TRIB2: variants seen among roughly 807,000 people sequenced by gnomAD.
The protein encoded by TRIB2 is tribbles pseudokinase 2.
A neutral mutation model predicts 26.8 loss-of-function variants in TRIB2; 2 were observed. That is an observed-to-expected ratio of 0.07 (90% CI 0.03 to 0.24). TRIB2 has a LOEUF of 0.24. TRIB2 is among the 10% of genes least tolerant of loss of function. The probability of loss-of-function intolerance (pLI) is 1.00; values close to 1 mark genes in which losing one functional copy is unlikely to be tolerated. For missense variants in TRIB2, 306 were observed against 449.0 expected (o/e 0.68, Z 2.88); for synonymous variants, 189 against 187.3 (o/e 1.01, Z -0.08).
Position 12,742,639 on chromosome 2 carries a change from TGG to T in TRIB2, c.*1848_*1849del, listed in dbSNP as rs1460771194. 1 of 152,378 alleles carries T rather than the reference TGG, an allele frequency of 6.6e-6. No individual in the cohort carries two copies. Among genetic ancestry groups the T allele is most frequent in the Non-Finnish European group, 1.5e-5 (1 of 68,000 alleles). 9.4% of individuals were successfully genotyped at this position (152,378 alleles called of 1,614,324 possible). ...GAGGAGAGGTTGGTGACATGCATGG[TGG>T]GGATCTATGGCCTCTGGTGCTTTGT... On this transcript the variant is annotated 3_prime_UTR_variant, in exon 3 of 3. Coordinates refer to ENST00000155926, the MANE Select transcript of TRIB2 (RefSeq NM_021643.4).
At chr2:12,728,743 C>T (rs528054866) in intron 2 of TRIB2, among the ~76,000 whole-genome samples, 2 of 152,280 alleles carry the variant, frequency 1.3e-5, no homozygotes, top group Admixed American at 1.3e-4. Flanking sequence ...TGGGGGCTTT[C>T]GGTATAATAA....
Position 12,723,391 on chromosome 2 carries a change from T to C in TRIB2, c.402T>C (p.Tyr134=). The C allele has an allele frequency of 1.9e-6, 3 of 1,614,224 alleles. No homozygotes were observed. Among genetic ancestry groups the C allele is most frequent in the Non-Finnish European group, 2.5e-6 (3 of 1,180,032 alleles). The stretch of plus-strand genomic sequence containing the variant: ...CCTATGTGTTCTTTGAGCGAAGCTA[T>C]GGGGACATGCATTCCTTCGTCCGCA... The part of the protein sequence containing the change: ...TKAYVFFERS[Y]GDMHSFVRTC... Residue 134 remains tyrosine, a synonymous_variant, in exon 2 of 3, where the codon TAT becomes TAC. Transcript: ENST00000155926.
chr2:12,739,345 C>T (rs570346148), intron 2 of TRIB2, among the ~76,000 whole-genome samples: 124 of 152,246 alleles, frequency 8.1e-4, no homozygotes, highest in African/African-American at 2.6e-3. Context: ...CTGTAACCTC[C>T]GCCTCCCGGG....
At chr2:12,729,025 G>C (rs1359245854) in intron 2 of TRIB2, among the ~76,000 whole-genome samples, 1 of 152,114 alleles carries the variant, frequency 6.6e-6, no homozygotes, top group Non-Finnish European at 1.5e-5. Context: ...TTTGTATTTT[G>C]GGAAAATACC....
chr2:12,727,438 G>T (rs1364036869), intron 2 of TRIB2, among the ~76,000 whole-genome samples: 1 of 152,190 alleles, frequency 6.6e-6, no homozygotes, highest in East Asian at 1.9e-4. Flanking sequence ...TCAGATTTAG[G>T]CCACATTCTC....
intron 2 of TRIB2, among the ~76,000 whole-genome samples, chr2:12,733,663 A>G (rs1661504312): frequency 6.6e-6 from 1 of 152,218 alleles, no homozygotes; most frequent in Non-Finnish European, 1.5e-5. Flanking sequence ...TATAATTATT[A>G]TTAGGATATC....
rs1228695157 is a variant in TRIB2 at position 12,732,468 on chromosome 2, C to G, written c.564-7858C>G. ...TATTCTCTCCCTATAGACATCTCTC[C>G]CTCCACCACGATGCCCTGAGATGCT... On this transcript the variant is annotated intron_variant, in intron 2 of 2. Transcript: ENST00000155926. The surrounding 1 kb of genome is among the most constrained non-coding windows in gnomAD (Gnocchi z 4.2). Among the ~76,000 whole-genome samples the G allele has an allele frequency of 6.6e-6, 1 of 152,150 alleles. No individual in the cohort carries two copies. The highest frequency in any genetic ancestry group is 1.5e-5 in the Non-Finnish European group (1 of 68,034).
At position 12,732,303 on chromosome 2, in the gene TRIB2, G is replaced by C. The variant is rs1661474349; in HGVS notation, c.564-8023G>C. Among the ~76,000 whole-genome samples, 1 of 152,178 alleles carries C rather than the reference G, an allele frequency of 6.6e-6. No homozygotes were observed. Among genetic ancestry groups the C allele is most frequent in the East Asian group, 1.9e-4 (1 of 5,186 alleles). ...AGAAAACCCCTGAGTATTTGAGTCA[G>C]ATTGGGTTTCCCATCCCAACTGTGC... On this transcript the variant is annotated intron_variant, in intron 2 of 2. Coordinates refer to ENST00000155926, the MANE Select transcript of TRIB2 (RefSeq NM_021643.4). The surrounding 1 kb of genome is among the most constrained non-coding windows in gnomAD (Gnocchi z 4.2).
At chr2:12,736,758 C>T (rs1362846872) in intron 2 of TRIB2, among the ~76,000 whole-genome samples, 1 of 152,226 alleles carries the variant, frequency 6.6e-6, no homozygotes, top group East Asian at 1.9e-4. Flanking sequence ...ACCACATGCC[C>T]ATGGGCTCTT....
Position 12,741,724 on chromosome 2 carries a change from C to G in TRIB2, c.*930C>G, listed in dbSNP as rs924202975. On this transcript the variant is annotated 3_prime_UTR_variant, in exon 3 of 3. Coordinates refer to ENST00000155926, the MANE Select transcript of TRIB2 (RefSeq NM_021643.4). ...TCTGATGCTTTTGCAGTACTCTGAT[C>G]GCAACTAAACATTTGTCTTTGTTTT... 6.6e-6 allele frequency: 1 copy of G among 152,564 alleles called. No individual in the cohort carries two copies. Among genetic ancestry groups the G allele is most frequent in the African/African-American group, 2.4e-5 (1 of 41,456 alleles). The allele number at this position is 152,564 out of a possible 1,614,324, so 9.5% of individuals were successfully genotyped here.
In TRIB2 at chr2:12,732,286, C is replaced by T. The variant is rs983525715; in HGVS notation, c.564-8040C>T. Among the ~76,000 whole-genome samples, 5 of 152,146 alleles carry T rather than the reference C, an allele frequency of 3.3e-5. No individual in the cohort carries two copies. The highest frequency in any genetic ancestry group is 6.5e-5 in the Admixed American group (1 of 15,286). On this transcript the variant is annotated intron_variant, in intron 2 of 2. Coordinates refer to ENST00000155926, the MANE Select transcript of TRIB2 (RefSeq NM_021643.4). This position sits in a 1 kb window ranked among gnomAD's most constrained non-coding sequence, Gnocchi z 4.2. ...CGGGTAGATGGCACTGCAGAAAACC[C>T]CTGAGTATTTGAGTCAGATTGGGTT...
At chr2:12,738,203 G>A (rs62126066) in intron 2 of TRIB2, among the ~76,000 whole-genome samples, 17,956 of 152,096 alleles carry the variant, frequency 0.12, 1,299 homozygotes, top group African/African-American at 0.21. Context: ...TCTTAGTGGC[G>A]GTGGTGATCA....
intron 2 of TRIB2, among the ~76,000 whole-genome samples, chr2:12,729,922 G>A (rs911648092): frequency 1.3e-5 from 2 of 152,160 alleles, no homozygotes; most frequent in Non-Finnish European, 2.9e-5. Flanking sequence ...CACAGTGCCT[G>A]GTGCACTGCA....
In TRIB2 at chr2:12,717,445, G is replaced by C. The variant is rs995361729; in HGVS notation, c.-863G>C. On this transcript the variant is annotated 5_prime_UTR_variant, in exon 1 of 3. Coordinates refer to ENST00000155926, the MANE Select transcript of TRIB2 (RefSeq NM_021643.4). This position sits in a 1 kb window ranked among gnomAD's most constrained non-coding sequence, Gnocchi z 4.8. ...GGAGGAAGACCTGGGGCGCGAGCGA[G>C]CGGCGACAGCATGAGCCTGTGCTGA... is the stretch of plus-strand genomic sequence containing the variant. 1 of 398,400 alleles carries C rather than the reference G, an allele frequency of 2.5e-6. No individual in the cohort carries two copies. The highest frequency in any genetic ancestry group is 2.1e-5 in the African/African-American group (1 of 48,640). The allele number at this position is 398,400 out of a possible 1,614,324, so 24.7% of individuals were successfully genotyped here. A position where few individuals can be genotyped will look rare whatever the true frequency, so the allele number is the denominator to read the frequency against.
rs1666663273 is a variant in TRIB2, at chr2:12,718,931, C to G, written c.270+354C>G. On this transcript the variant is annotated intron_variant, in intron 1 of 2. Transcript: ENST00000155926. The surrounding 1 kb of genome is among the most constrained non-coding windows in gnomAD (Gnocchi z 4.0). Reference sequence around the variant, plus strand: ...TCCTGTGTCTAGCCCCCTCCCCTTCCAACAAGGATTAGGGAATCCCCCGGT... The same window carrying G: ...TCCTGTGTCTAGCCCCCTCCCCTTCGAACAAGGATTAGGGAATCCCCCGGT... 6.6e-6 allele frequency among the ~76,000 whole-genome samples: 1 copy of G among 152,136 alleles called. No homozygotes were observed. The highest frequency in any genetic ancestry group is 1.5e-5 in the Non-Finnish European group (1 of 68,016).
intron 2 of TRIB2, among the ~76,000 whole-genome samples, chr2:12,730,343 C>A (rs13005077): frequency 0.41 from 62,248 of 152,166 alleles, 15,431 homozygotes; most frequent in East Asian, 0.82. Flanking sequence ...ACCCAGGCCC[C>A]TGGCTCCAGA....
intron 2 of TRIB2, among the ~76,000 whole-genome samples, chr2:12,738,736 C>T (rs1266160083): frequency 2.6e-5 from 4 of 152,068 alleles, no homozygotes; most frequent in East Asian, 3.9e-4. Flanking sequence ...GAGCTTGGGG[C>T]GCTGGGTGGA....
chr2:12,720,970 G>A (rs1322418256), intron 1 of TRIB2, among the ~76,000 whole-genome samples: 7 of 151,936 alleles, frequency 4.6e-5, no homozygotes, highest in African/African-American at 9.7e-5. Context: ...TAATCTTACT[G>A]CCTTATCTGA....
At position 12,732,614 on chromosome 2, in the gene TRIB2, G is replaced by A. The variant is rs2103256326; in HGVS notation, c.564-7712G>A. On this transcript the variant is annotated intron_variant, in intron 2 of 2. Transcript: ENST00000155926. The surrounding 1 kb of genome is among the most constrained non-coding windows in gnomAD (Gnocchi z 4.2). ...AGGTGGCTCTCAGAGGTGACTGTTG[G>A]AAAAGTCTGTGCATACATGAACCAG... 6.6e-6 allele frequency among the ~76,000 whole-genome samples: 1 copy of A among 152,302 alleles called. No individual in the cohort carries two copies. Among genetic ancestry groups the A allele is most frequent in the South Asian group, 2.1e-4 (1 of 4,832 alleles).
Sources: gnomAD v4.1 joint callset for allele counts (sites outside exome capture counted in the v4.1 genomes callset) on GRCh38, gnomAD v4.1.1 for gene constraint, Gnocchi (gnomAD v3.1) non-coding constraint, MANE v1.5 for transcripts, NCBI Gene and HGNC (gene_info 2026-07-23, HGNC 2026-07-21) for gene names.